RGS6: variants seen among roughly 807,000 people sequenced by gnomAD.
RGS6 encodes the protein regulator of G protein signaling 6.
A neutral mutation model predicts 78.5 loss-of-function variants in RGS6; 30 were observed. The observed-to-expected ratio is 0.38, with a 90% CI of 0.29 to 0.52. The LOEUF (loss-of-function observed/expected upper bound fraction) is 0.52, where lower values mean the gene tolerates loss of function less well. Ranked by LOEUF, RGS6 falls within the 20% of genes least tolerant of loss-of-function variation. The pLI is 0.85. For synonymous variants in RGS6, 206 were observed against 206.0 expected (o/e 1.00, Z 0.00); for missense variants, 495 against 609.7 (o/e 0.81, Z 1.98).
the RGS6 span, among the ~76,000 whole-genome samples, chr14:72,587,442 C>T: frequency 0.032 from 4,848 of 152,124 alleles, 271 homozygotes; most frequent in African/African-American, 0.11. Flanking sequence ...TCCAGGGGGT[C>T]GCAGCAGTGT....
intron 2 of RGS6, among the ~76,000 whole-genome samples, chr14:72,314,151 T>C (rs1242208695): frequency 6.6e-6 from 1 of 152,234 alleles, no homozygotes; most frequent in Admixed American, 6.5e-5. Context: ...TGTCTCCAAG[T>C]AGCAGAAAGC....
At chr14:72,239,443 C>T (rs1022727945) in intron 2 of RGS6, among the ~76,000 whole-genome samples, 1 of 152,204 alleles carries the variant, frequency 6.6e-6, no homozygotes, top group African/African-American at 2.4e-5. Flanking sequence ...GATTGTCTCT[C>T]CCTGGTGCCC....
intron 2 of RGS6, among the ~76,000 whole-genome samples, chr14:72,198,934 T>C (rs1195107022): frequency 1.3e-5 from 2 of 152,224 alleles, no homozygotes; most frequent in African/African-American, 4.8e-5. Context: ...AGGACAGAAA[T>C]TACTTCAGAA....
At chr14:72,403,026 A>T (rs778132540) in intron 3 of RGS6, among the ~76,000 whole-genome samples, 18 of 151,816 alleles carry the variant, frequency 1.2e-4, no homozygotes, top group Non-Finnish European at 1.9e-4. Context: ...CCTGATCTCA[A>T]GTCATCTGCC....
rs564987363 is a variant in RGS6 at position 72,527,167 on chromosome 14, A to G, written c.1278+8630A>G. 6.6e-5 allele frequency among the ~76,000 whole-genome samples: 10 copies of G among 152,328 alleles called. No individual in the cohort carries two copies. The South Asian group carries it at 1.2e-3, about 19-fold the overall frequency. ...CATCCCTGGTGTCTTGGCCATTACC[A>G]TTGCTAACAGCAGTGATAGTGAATA... On this transcript the variant is annotated intron_variant, in intron 15 of 17. Transcript: ENST00000553525.
At chr14:71,918,384 G>A in the RGS6 span, among the ~76,000 whole-genome samples, 2 of 152,008 alleles carry the variant, frequency 1.3e-5, no homozygotes, top group African/African-American at 4.8e-5. Flanking sequence ...TTACAGGCTT[G>A]GTTTCACTTG....
chr14:71,913,206 T>C, the RGS6 span, among the ~76,000 whole-genome samples: 962 of 152,338 alleles, frequency 6.3e-3, 7 homozygotes, highest in Middle Eastern at 0.017. Context: ...GAACATTGAA[T>C]GTATGTTACA....
chr14:72,551,533 A>C (rs2097506702), intron 17 of RGS6, among the ~76,000 whole-genome samples: 1 of 152,126 alleles, frequency 6.6e-6, no homozygotes, highest in African/African-American at 2.4e-5. Context: ...ATTCCCATCC[A>C]CTACTGAAGG....
At chr14:72,197,779 C>G (rs2040539956) in intron 2 of RGS6, among the ~76,000 whole-genome samples, 1 of 151,966 alleles carries the variant, frequency 6.6e-6, no homozygotes, top group Admixed American at 6.6e-5. Flanking sequence ...CCCAGTGGGT[C>G]ACGCCCACCA....
chr14:72,396,620 A>G (rs1015489729), intron 3 of RGS6, among the ~76,000 whole-genome samples: 1 of 152,132 alleles, frequency 6.6e-6, no homozygotes, highest in African/African-American at 2.4e-5. Flanking sequence ...GTCCTTGCCC[A>G]CGCCTATGTC....
intron 3 of RGS6, among the ~76,000 whole-genome samples, chr14:72,381,807 A>G (rs1271432252): frequency 1.3e-5 from 2 of 152,126 alleles, no homozygotes; most frequent in Admixed American, 6.5e-5. Flanking sequence ...AAAAGCAATA[A>G]TATCCACTAT....
chr14:72,243,130 G>T (rs978196947), intron 2 of RGS6, among the ~76,000 whole-genome samples: 1 of 152,138 alleles, frequency 6.6e-6, no homozygotes, highest in Non-Finnish European at 1.5e-5. Context: ...GATTATAGGC[G>T]TGAGCCACTG....
rs146313675 is a variant in RGS6 at position 72,476,754 on chromosome 14, G to C, written c.706G>C (p.Val236Leu). ...PQKVKKSVYG[V>L]TEESQAQSPV... ...CTTCTTCTCCTAGTCCGTGTATGGC[G>C]TGACTGAAGAGTCCCAGGCACAGAG... Residue 236 changes from valine to leucine, a missense_variant, in exon 11 of 18, where the codon GTG becomes CTG. Transcript: ENST00000553525. 5 of 1,614,084 alleles carry C rather than the reference G, an allele frequency of 3.1e-6. No individual in the cohort carries two copies. The highest frequency in any genetic ancestry group is 4.2e-6 in the Non-Finnish European group (5 of 1,179,966).
chr14:71,929,040 G>T (rs1238397334), upstream of RGS6, among the ~76,000 whole-genome samples: 7 of 152,138 alleles, frequency 4.6e-5, no homozygotes, highest in Non-Finnish European at 7.3e-5. Flanking sequence ...ATAATTCAAA[G>T]AGCTCCCTTT....
intron 2 of RGS6, among the ~76,000 whole-genome samples, chr14:72,283,556 C>T (rs2061949824): frequency 1.3e-5 from 2 of 152,196 alleles, no homozygotes; most frequent in South Asian, 4.1e-4. Context: ...TCTCTCTTGT[C>T]TGCCACCATG....
At chr14:72,534,280 T>C (rs984995996) in intron 15 of RGS6, among the ~76,000 whole-genome samples, 12 of 152,240 alleles carry the variant, frequency 7.9e-5, no homozygotes, top group Non-Finnish European at 1.5e-4. Context: ...TACCTTGTTT[T>C]TTCAGACATA....
At chr14:72,394,394 C>T (rs770040765) in intron 3 of RGS6, among the ~76,000 whole-genome samples, 1 of 151,960 alleles carries the variant, frequency 6.6e-6, no homozygotes, top group Non-Finnish European at 1.5e-5. Context: ...GATCACAGGC[C>T]CGGGGCGAAA....
intron 2 of RGS6, among the ~76,000 whole-genome samples, chr14:72,152,106 ATACAGT>A (rs1389628959): frequency 6.6e-6 from 1 of 152,232 alleles, no homozygotes; most frequent in Non-Finnish European, 1.5e-5. Flanking sequence ...TGACTGACAC[ATACAGT>A]TAAGTGGTCT....
chr14:72,222,589 C>G (rs2047131120), intron 2 of RGS6, among the ~76,000 whole-genome samples: 1 of 152,254 alleles, frequency 6.6e-6, no homozygotes, highest in South Asian at 2.1e-4. Context: ...AGAATGATAC[C>G]AATTGCAGAA....
Sources: allele counts gnomAD v4.1 joint callset (sites outside exome capture counted in the v4.1 genomes callset), GRCh38; gene constraint gnomAD v4.1.1; transcripts MANE v1.5; gene names NCBI Gene and HGNC (gene_info 2026-07-23, HGNC 2026-07-21).